The following DMXL2 variants were observed in gnomAD, a reference collection of about 807,000 sequenced individuals.
The protein encoded by DMXL2 is dmX-like protein 2.
Under a neutral mutation model 331.1 loss-of-function variants are expected in DMXL2, and 103 were observed. That is an observed-to-expected ratio of 0.31 (90% CI 0.27 to 0.37). The LOEUF (loss-of-function observed/expected upper bound fraction) is 0.37, where lower values mean the gene tolerates loss of function less well. Ranked by LOEUF, DMXL2 falls within the 10% of genes least tolerant of loss-of-function variation. The pLI is 1.00. For missense variants in DMXL2, 3,171 were observed against 3,642.9 expected (o/e 0.87, Z 3.33); for synonymous variants, 1,281 against 1,252.1 (o/e 1.02, Z -0.49).
chr15:51,546,947 T>C (rs2048923638), intron 7 of DMXL2, among the ~76,000 whole-genome samples: 1 of 152,120 alleles, frequency 6.6e-6, no homozygotes, highest in African/African-American at 2.4e-5. Flanking sequence ...TGCAAAGGCC[T>C]GTACTAAGCA....
chr15:51,616,929 T>TC (rs1403494303), intron 1 of DMXL2, among the ~76,000 whole-genome samples: 92 of 92,252 alleles, frequency 1.0e-3, no homozygotes, highest in African/African-American at 3.7e-3. Context: ...AGAGTGAGAC[T>TC]CCATCTAAAA....
chr15:51,511,065 C>A (rs1037496082), intron 15 of DMXL2, among the ~76,000 whole-genome samples: 1 of 152,078 alleles, frequency 6.6e-6, no homozygotes, highest in South Asian at 2.1e-4. Context: ...AAGACTGAAA[C>A]GTAAGACCTA....
At chr15:51,506,436 A>T (rs1192423755) in intron 16 of DMXL2, among the ~76,000 whole-genome samples, 1 of 150,216 alleles carries the variant, frequency 6.7e-6, no homozygotes, top group Non-Finnish European at 1.5e-5. Flanking sequence ...ATATTTCATC[A>T]AACAGCAATT....
At chr15:51,515,003 C>A (rs528101358) in intron 14 of DMXL2, among the ~76,000 whole-genome samples, 1 of 151,988 alleles carries the variant, frequency 6.6e-6, no homozygotes, top group Non-Finnish European at 1.5e-5. Flanking sequence ...CACTGGAGAA[C>A]CAAAAAACAA....
chr15:51,570,496 T>C (rs889994958), intron 2 of DMXL2, among the ~76,000 whole-genome samples: 38 of 152,116 alleles, frequency 2.5e-4, no homozygotes, highest in Non-Finnish European at 3.8e-4. Flanking sequence ...AATCATCAGA[T>C]TAACCAAGGT....
In DMXL2 at chr15:51,481,325, A is replaced by C; in HGVS notation, c.5781T>G (p.Ile1927Met). The part of the protein sequence containing the change: ...LSAKKDQPDF[I>M]SHRMDDVPSH... ...AAGGTACATCATCCATCCTGTGAGA[A>C]ATGAAGTCAGGCTGATCTTTTTTTG... is the stretch of plus-strand genomic sequence containing the variant. Residue 1927 changes from isoleucine to methionine, a missense_variant, in exon 24 of 44, where the codon ATT (isoleucine) becomes ATG (methionine). By Grantham distance (10) the Ile-to-Met change is conservative. This residue lies in a region of DMXL2 where 244 missense variants were observed against 251.4 expected (regional missense o/e 0.97). Transcript: ENST00000560891. 1 of 1,614,158 alleles carries C rather than the reference A, an allele frequency of 6.2e-7. No homozygotes were observed.
chr15:51,538,203 G>A lies in DMXL2; in HGVS notation c.1345+10C>T. On this transcript the variant is annotated intron_variant, in intron 10 of 43. Coordinates refer to ENST00000560891, the MANE Select transcript of DMXL2 (RefSeq NM_001378457.1). ...TTGGAGTAAGTAAAATCTGAACACAGGATACTAACCATGGTCTAATTTCAT... is the reference window on the plus strand; with the variant it reads ...TTGGAGTAAGTAAAATCTGAACACAAGATACTAACCATGGTCTAATTTCAT... The A allele has an allele frequency of 6.2e-7, 1 of 1,606,448 alleles. No homozygotes were observed. Among genetic ancestry groups the A allele is most frequent in the Middle Eastern group, 1.7e-4 (1 of 6,004 alleles).
At chr15:51,472,026 A>G (rs2041161274) in intron 28 of DMXL2, among the ~76,000 whole-genome samples, 1 of 152,186 alleles carries the variant, frequency 6.6e-6, no homozygotes, top group Non-Finnish European at 1.5e-5. Flanking sequence ...CTGATCAATT[A>G]GAGAGGAAGA....
chr15:51,465,596 A>C lies in DMXL2; in HGVS notation c.7576T>G (p.Phe2526Val). The change falls in exon 31 of 44, where the codon TTC becomes GTC. Residue 2526 changes from phenylalanine (F) to valine (V), a missense_variant. By Grantham distance (50) the Phe-to-Val change is conservative. Coordinates refer to ENST00000560891, the MANE Select transcript of DMXL2 (RefSeq NM_001378457.1). The part of the protein sequence containing the change: ...VKLALHNVKN[F>V]FPIAGLEFSE... ...AATTCCAGTCCAGCAATAGGAAAGAAATTCTTGACATTGTGAAGTGCTAGT... is the reference window on the plus strand; with the variant it reads ...AATTCCAGTCCAGCAATAGGAAAGACATTCTTGACATTGTGAAGTGCTAGT... The C allele has an allele frequency of 6.2e-7, 1 of 1,607,708 alleles. No individual in the cohort carries two copies. Among genetic ancestry groups the C allele is most frequent in the Non-Finnish European group, 8.5e-7 (1 of 1,177,894 alleles).
chr15:51,471,054 T>G (rs190598480), intron 29 of DMXL2, among the ~76,000 whole-genome samples, 169 bp downstream of exon 29: 9 of 152,308 alleles, frequency 5.9e-5, no homozygotes, highest in Non-Finnish European at 1.2e-4. Flanking sequence ...TAACTGATCA[T>G]CCTCGAATTT....
rs1166462667 is a variant in DMXL2 at position 51,498,814 on chromosome 15, C to T, written c.4410G>A (p.Glu1470=). 1.1e-5 allele frequency: 17 copies of T among 1,614,080 alleles called. No individual in the cohort carries two copies. The highest frequency in any genetic ancestry group is 5.0e-5 in the Admixed American group (3 of 60,004). Reference sequence around the variant, plus strand: ...TTGGTATATCCTGGATTTGAAACAGCTCTGAATACTGATCCTCTGGTTGAC... The same window carrying T: ...TTGGTATATCCTGGATTTGAAACAGTTCTGAATACTGATCCTCTGGTTGAC... ...TVSQPEDQYS[E]LFQIQDIPTD... is the part of the protein sequence containing the mutation. The change falls in exon 18 of 44, where the codon GAG becomes GAA. Residue 1470 remains glutamate (E), a synonymous_variant. Coordinates refer to ENST00000560891, the MANE Select transcript of DMXL2 (RefSeq NM_001378457.1).
intron 23 of DMXL2, among the ~76,000 whole-genome samples, chr15:51,484,190 C>G (rs142573298): frequency 1.0e-3 from 159 of 152,348 alleles, no homozygotes; most frequent in African/African-American, 3.7e-3. Flanking sequence ...AGCTGAGTAG[C>G]CGTGAGGCCA....
intron 1 of DMXL2, among the ~76,000 whole-genome samples, chr15:51,588,168 T>A (rs2141218013): frequency 6.6e-6 from 1 of 151,870 alleles, no homozygotes; most frequent in Non-Finnish European, 1.5e-5. Context: ...GGGGTTTTTT[T>A]TTTTTTTGAG....
chr15:51,505,574 T>C (rs1250955062), intron 16 of DMXL2, among the ~76,000 whole-genome samples: 1 of 152,230 alleles, frequency 6.6e-6, no homozygotes, highest in Non-Finnish European at 1.5e-5. Flanking sequence ...AAACAACATA[T>C]AATGCAAAGA....
chr15:51,586,879 T>C (rs371879227), intron 1 of DMXL2, among the ~76,000 whole-genome samples: 3 of 151,832 alleles, frequency 2.0e-5, no homozygotes, highest in East Asian at 1.9e-4. Context: ...GAAGTGGAAA[T>C]CAAAAATCTT....
chr15:51,517,453 C>G (rs2047098252), intron 13 of DMXL2, among the ~76,000 whole-genome samples: 1 of 152,238 alleles, frequency 6.6e-6, no homozygotes, highest in Non-Finnish European at 1.5e-5. Context: ...GGCTGAAGAT[C>G]TGGCCCAATG....
chr15:51,482,968 G>C (rs1392896589), intron 23 of DMXL2, among the ~76,000 whole-genome samples: 1 of 152,202 alleles, frequency 6.6e-6, no homozygotes, highest in Non-Finnish European at 1.5e-5. Context: ...TAGGAGAGCA[G>C]TGTGGAGGTA....
chr15:51,596,688 T>C (rs1415918837), intron 1 of DMXL2, among the ~76,000 whole-genome samples: 3 of 152,244 alleles, frequency 2.0e-5, no homozygotes, highest in Admixed American at 6.5e-5. Context: ...CCAACAATGA[T>C]AGACTGGATT....
At chr15:51,504,644 C>T (rs1213102758) in intron 16 of DMXL2, among the ~76,000 whole-genome samples, 1 of 152,150 alleles carries the variant, frequency 6.6e-6, no homozygotes, top group Non-Finnish European at 1.5e-5. Context: ...TTCTGTTAAA[C>T]ATGTCAATCT....
Sources: gnomAD v4.1 joint callset for allele counts (sites outside exome capture counted in the v4.1 genomes callset) on GRCh38, gnomAD v4.1.1 for gene constraint, gnomAD v4.1.1 regional missense constraint, MANE v1.5 for transcripts, NCBI Gene and HGNC (gene_info 2026-07-23, HGNC 2026-07-21) for gene names.